RBFOX1: variants seen among roughly 807,000 people sequenced by gnomAD.
RBFOX1 encodes the protein RNA binding protein fox-1 homolog 1.
In RBFOX1, 8 loss-of-function variants were observed where a neutral mutation model predicts 57.7. The ratio of observed to expected loss-of-function variants is 0.14; its 90% CI spans 0.08 to 0.25. The LOEUF is 0.25. Ranked by LOEUF, RBFOX1 falls within the 10% of genes least tolerant of loss-of-function variation. RBFOX1 has a pLI of 1.00. For synonymous variants in RBFOX1, 326 were observed against 222.4 expected (o/e 1.47, Z -4.15); for missense variants, 611 against 548.5 (o/e 1.11, Z -1.14).
chr16:7,620,891 A>G (rs1275813711), intron 10 of RBFOX1, among the ~76,000 whole-genome samples: 1 of 152,140 alleles, frequency 6.6e-6, no homozygotes, highest in Non-Finnish European at 1.5e-5. Context: ...TGTGGAGTAC[A>G]TCTTGTATAG....
At chr16:7,277,584 T>C (rs1211496590) in intron 4 of RBFOX1, among the ~76,000 whole-genome samples, 1 of 152,158 alleles carries the variant, frequency 6.6e-6, no homozygotes, top group Non-Finnish European at 1.5e-5. Context: ...TAGATCTTCA[T>C]AAAATACAGG....
chr16:5,484,023 C>T (rs1157576467), intron 2 of RBFOX1, among the ~76,000 whole-genome samples: 1 of 152,068 alleles, frequency 6.6e-6, no homozygotes, highest in African/African-American at 2.4e-5. Flanking sequence ...TAAAAATAAA[C>T]AGCTGGGCAT....
chr16:5,572,048 C>T (rs903856300), intron 2 of RBFOX1, among the ~76,000 whole-genome samples: 1 of 152,092 alleles, frequency 6.6e-6, no homozygotes, highest in Admixed American at 6.5e-5. Flanking sequence ...AAGAAGCCCT[C>T]CTGACATAGA....
At chr16:6,970,622 T>A (rs978337241) in intron 3 of RBFOX1, among the ~76,000 whole-genome samples, 1 of 152,170 alleles carries the variant, frequency 6.6e-6, no homozygotes, top group Non-Finnish European at 1.5e-5. Context: ...TCCTGCCTCT[T>A]TTGGAAGGGC....
At chr16:6,578,602 T>TGC (rs2097483415) in intron 2 of RBFOX1, among the ~76,000 whole-genome samples, 1 of 147,144 alleles carries the variant, frequency 6.8e-6, no homozygotes, top group Non-Finnish European at 1.5e-5. Context: ...TGTGTGCGTG[T>TGC]GTGTGTGTGT....
intron 2 of RBFOX1, among the ~76,000 whole-genome samples, chr16:6,481,079 C>G (rs980926307): frequency 6.6e-6 from 1 of 152,160 alleles, no homozygotes; most frequent in Non-Finnish European, 1.5e-5. Flanking sequence ...AGGGTATGCA[C>G]ATTTTCCATT....
chr16:6,602,530 A>T (rs1487067300), intron 2 of RBFOX1, among the ~76,000 whole-genome samples: 3 of 152,072 alleles, frequency 2.0e-5, no homozygotes, highest in Non-Finnish European at 2.9e-5. Context: ...AGAGGTCTTG[A>T]TGTTCTTACA....
At chr16:6,795,643 G>C (rs899817609) in intron 3 of RBFOX1, among the ~76,000 whole-genome samples, 1 of 152,042 alleles carries the variant, frequency 6.6e-6, no homozygotes, top group African/African-American at 2.4e-5. Flanking sequence ...GGGGGTGCCT[G>C]TAATCCCAGC....
At chr16:7,239,043 T>G (rs1027178687) in intron 4 of RBFOX1, among the ~76,000 whole-genome samples, 1 of 152,218 alleles carries the variant, frequency 6.6e-6, no homozygotes, top group South Asian at 2.1e-4. Context: ...AGTCTATCAT[T>G]GATGGGCATT....
At chr16:7,197,117 C>G (rs2086896191) in intron 4 of RBFOX1, among the ~76,000 whole-genome samples, 1 of 152,150 alleles carries the variant, frequency 6.6e-6, no homozygotes, top group South Asian at 2.1e-4. Context: ...CCAGTTATTC[C>G]TTCTCTACCC....
intron 3 of RBFOX1, among the ~76,000 whole-genome samples, chr16:5,774,560 A>G (rs543129341): frequency 3.9e-4 from 59 of 152,336 alleles, no homozygotes; most frequent in African/African-American, 1.2e-3. Context: ...GTAGTTATCA[A>G]TAGCTAAACA....
chr16:5,554,668 G>T (rs752278927), intron 2 of RBFOX1, among the ~76,000 whole-genome samples: 16 of 152,136 alleles, frequency 1.1e-4, no homozygotes, highest in Non-Finnish European at 2.2e-4. Context: ...TAAGACAAAT[G>T]AATTGGTTAG....
rs11863902 is a variant in RBFOX1 at position 7,169,502 on chromosome 16, T to C, written c.27+117404T>C. Among the ~76,000 whole-genome samples, 964 of 152,320 alleles carry C rather than the reference T, an allele frequency of 6.3e-3. 14 individuals carry two copies. The highest frequency in any genetic ancestry group is 0.022 in the African/African-American group (929 of 41,570). ...AAGTTGTCACACTGAGAAATGTCTATAGACATGGCCTAATGTCCCCAGGAG... is the reference window on the plus strand; with the variant it reads ...AAGTTGTCACACTGAGAAATGTCTACAGACATGGCCTAATGTCCCCAGGAG... On this transcript the variant is annotated intron_variant, in intron 4 of 15. Transcript: ENST00000550418.
chr16:5,892,196 A>C (rs1392664111), intron 4 of RBFOX1, among the ~76,000 whole-genome samples: 2 of 152,174 alleles, frequency 1.3e-5, no homozygotes, highest in Admixed American at 1.3e-4. Context: ...AGGGGCTGGC[A>C]GTGCTAGGTA....
intron 2 of RBFOX1, among the ~76,000 whole-genome samples, chr16:5,590,168 T>A (rs912597977): frequency 6.6e-6 from 1 of 152,212 alleles, no homozygotes; most frequent in East Asian, 1.9e-4. Context: ...ATACTTTTTT[T>A]TCCTGCAGTC....
intron 1 of RBFOX1, among the ~76,000 whole-genome samples, chr16:5,324,455 T>G (rs914088173): frequency 2.0e-5 from 3 of 152,218 alleles, no homozygotes; most frequent in East Asian, 1.9e-4. Flanking sequence ...AGAGTGAAAC[T>G]CTGTCTCAAA....
intron 3 of RBFOX1, among the ~76,000 whole-genome samples, chr16:6,765,606 A>G (rs1427222506): frequency 1.3e-5 from 2 of 152,214 alleles, no homozygotes; most frequent in Non-Finnish European, 2.9e-5. Flanking sequence ...TCAAAGAAGT[A>G]AAAGTAGGTC....
At chr16:6,098,214 G>A (rs1041312462) in intron 1 of RBFOX1, among the ~76,000 whole-genome samples, 4 of 152,176 alleles carry the variant, frequency 2.6e-5, no homozygotes, top group Non-Finnish European at 5.9e-5. Flanking sequence ...TGTGTGACAG[G>A]CACTGGTACC....
At chr16:7,672,461 G>C (rs1021189722) in intron 13 of RBFOX1, among the ~76,000 whole-genome samples, 3 of 152,154 alleles carry the variant, frequency 2.0e-5, no homozygotes, top group African/African-American at 4.8e-5. Context: ...CTGAATGTGA[G>C]AAAGAGGTAC....
Sources: allele counts gnomAD v4.1 joint callset (sites outside exome capture counted in the v4.1 genomes callset), GRCh38; gene constraint gnomAD v4.1.1; transcripts MANE v1.5; gene names NCBI Gene and HGNC (gene_info 2026-07-23, HGNC 2026-07-21).